KCNN3: variants seen among roughly 807,000 people sequenced by gnomAD.
KCNN3 encodes the protein small conductance calcium-activated potassium channel protein 3.
KCNN3 carries 16 observed loss-of-function variants against 62.9 expected under a neutral mutation model. The observed-to-expected ratio is 0.25, with a 90% CI of 0.17 to 0.39. The LOEUF (loss-of-function observed/expected upper bound fraction) is 0.39, where lower values mean the gene tolerates loss of function less well. Ranked by LOEUF, KCNN3 falls within the 10% of genes least tolerant of loss-of-function variation. The pLI is 1.00. For missense variants in KCNN3, 599 were observed against 949.4 expected, an observed-to-expected ratio of 0.63 and a Z score of 4.85; for synonymous variants, 370 against 389.2, an observed-to-expected ratio of 0.95 and a Z score of 0.58.
intron 2 of KCNN3, among the ~76,000 whole-genome samples, chr1:154,783,976 A>C (rs764979294): frequency 2.2e-4 from 34 of 152,300 alleles, no homozygotes; most frequent in Non-Finnish European, 4.1e-4. Flanking sequence ...GCGGTTACTA[A>C]GTACAGGATG....
chr1:154,737,221 G>T lies in KCNN3; in HGVS notation c.1449-4077C>A, dbSNP rs1256371657. 3.3e-5 allele frequency: 16 copies of T among 479,572 alleles called. No individual in the cohort carries two copies. The East Asian group carries it at 4.3e-4, about 13-fold the overall frequency. 29.7% of individuals were successfully genotyped at this position (479,572 alleles called of 1,614,324 possible). A position where few individuals can be genotyped will look rare whatever the true frequency, so the allele number is the denominator to read the frequency against. ...ATAGAAAATTTGGGGGGGGGGGATA[G>T]CTCCATGTTTTTCTTTAAAGGCTGA... On this transcript the variant is annotated intron_variant, in intron 3 of 7. Coordinates refer to ENST00000271915, the MANE Select transcript of KCNN3 (RefSeq NM_002249.6).
At chr1:154,810,867 C>A (rs892897416) in intron 2 of KCNN3, among the ~76,000 whole-genome samples, 2 of 152,264 alleles carry the variant, frequency 1.3e-5, no homozygotes, top group Non-Finnish European at 2.9e-5. Flanking sequence ...CTCTCTCCCC[C>A]AGGCAGGGCA....
At chr1:154,815,822 A>G (rs775679223) in intron 2 of KCNN3, among the ~76,000 whole-genome samples, 49 of 152,328 alleles carry the variant, frequency 3.2e-4, no homozygotes, top group Non-Finnish European at 5.4e-4. Context: ...GTGAGGGCAC[A>G]GAGCAAGACG....
rs764812946 is a variant in KCNN3, at chr1:154,713,521, G to A, written c.1842C>T (p.Val614=). ...CACTCAGCTTCCTCTGTTCCATCTTGACGCTCCTCAACCTGTGGGGAAGAA... is the reference window on the plus strand; with the variant it reads ...CACTCAGCTTCCTCTGTTCCATCTTAACGCTCCTCAACCTGTGGGGAAGAA... ...FLQAIHQLRS[V]KMEQRKLSDQ... Residue 614 remains valine (V), a synonymous_variant, in exon 7 of 8, where the codon GTC becomes GTT. Coordinates refer to ENST00000271915, the MANE Select transcript of KCNN3 (RefSeq NM_002249.6). 1 of 1,613,780 alleles carries A rather than the reference G, an allele frequency of 6.2e-7. No individual in the cohort carries two copies. The highest frequency in any genetic ancestry group is 1.7e-5 in the Admixed American group (1 of 60,010).
intron 1 of KCNN3, among the ~76,000 whole-genome samples, chr1:154,842,706 T>C (rs1257158637): frequency 1.3e-5 from 2 of 150,806 alleles, no homozygotes; most frequent in African/African-American, 4.9e-5. Flanking sequence ...GTGCTACTTC[T>C]GTGCCTGGTT....
At chr1:154,751,806 AC>A (rs1012724695) in intron 3 of KCNN3, among the ~76,000 whole-genome samples, 14 of 152,336 alleles carry the variant, frequency 9.2e-5, no homozygotes, top group African/African-American at 3.4e-4. Flanking sequence ...TTGCCAGGCA[AC>A]AAAAATGCTG....
intron 3 of KCNN3, among the ~76,000 whole-genome samples, chr1:154,759,005 G>A (rs747344905): frequency 1.2e-4 from 18 of 152,026 alleles, no homozygotes; most frequent in Non-Finnish European, 1.5e-4. Flanking sequence ...ACAGCGTTTC[G>A]CCATGTTGGC....
rs749900768 is a variant in KCNN3 at position 154,772,262 on chromosome 1, C to A, written c.1161G>T (p.Thr387=). 1.9e-6 allele frequency: 3 copies of A among 1,614,204 alleles called. No individual in the cohort carries two copies. The highest frequency in any genetic ancestry group is 1.6e-4 in the Middle Eastern group (1 of 6,062). Residue 387 remains threonine (T), a synonymous_variant, in exon 3 of 8, where the codon ACG becomes ACT. Transcript: ENST00000271915. This position sits in a 1 kb window ranked among gnomAD's most constrained non-coding sequence, Gnocchi z 5.6. ...PIPGEYKFFW[T]ARLAFSYTPS... The stretch of plus-strand genomic sequence containing the variant: ...GTGTGTAGGAGAAGGCCAGGCGTGC[C>A]GTCCAGAAGAACTTGTACTCGCCAG...
intron 1 of KCNN3, among the ~76,000 whole-genome samples, chr1:154,867,210 C>T (rs141095164): frequency 1.0e-3 from 153 of 152,318 alleles, no homozygotes; most frequent in African/African-American, 3.6e-3. Flanking sequence ...AGGCTGCCAG[C>T]CCCATATCCT....
intron 7 of KCNN3, among the ~76,000 whole-genome samples, chr1:154,709,555 G>A (rs1700031873): frequency 6.6e-6 from 1 of 152,066 alleles, no homozygotes; most frequent in Non-Finnish European, 1.5e-5. Flanking sequence ...AGAATGAAGG[G>A]GAGCAGGGGC....
chr1:154,816,267 C>A (rs1479394402), intron 2 of KCNN3, among the ~76,000 whole-genome samples: 4 of 152,130 alleles, frequency 2.6e-5, no homozygotes, highest in Non-Finnish European at 2.9e-5. Context: ...GGATTGATAT[C>A]CCCAGGCAAG....
intron 2 of KCNN3, among the ~76,000 whole-genome samples, chr1:154,792,556 T>G (rs151093203): frequency 1.3e-5 from 2 of 152,240 alleles, no homozygotes; most frequent in Non-Finnish European, 2.9e-5. Context: ...AAAAGGAATT[T>G]GCATGTTTTG....
intron 2 of KCNN3, among the ~76,000 whole-genome samples, chr1:154,810,181 T>C (rs548825052): frequency 7.3e-5 from 11 of 151,702 alleles, no homozygotes; most frequent in African/African-American, 2.7e-4. Context: ...GAGGGGAGAA[T>C]ATGGGCGGGG....
rs540195198 is a variant in KCNN3 at position 154,776,144 on chromosome 1, G to A, written c.1030-3751C>T. ...GTGCAGGGAAGGTGGGGGCCACATG[G>A]GGTAGTGGAGCTGGAGGTGGGAGAG... On this transcript the variant is annotated intron_variant, in intron 2 of 7. Coordinates refer to ENST00000271915, the MANE Select transcript of KCNN3 (RefSeq NM_002249.6). Among the ~76,000 whole-genome samples the A allele has an allele frequency of 1.9e-4, 29 of 152,308 alleles. 1 individual carries two copies. Among genetic ancestry groups the A allele is most frequent in the Non-Finnish European group, 3.4e-4 (23 of 68,020 alleles).
At position 154,707,604 on chromosome 1, in the gene KCNN3, G is replaced by A. The variant is rs372498598; in HGVS notation, c.*372C>T. The A allele has an allele frequency of 3.9e-5, 7 of 177,330 alleles. No homozygotes were observed. Among genetic ancestry groups the A allele is most frequent in the Non-Finnish European group, 7.1e-5 (6 of 84,396 alleles). The allele number at this position is 177,330 out of a possible 1,614,324, so 11.0% of individuals were successfully genotyped here. ...GCCTGACACAACCCTCCCTCCCAGC[G>A]GACCCCTCTTCTGGACTGGCTTCGC... On this transcript the variant is annotated 3_prime_UTR_variant, in exon 8 of 8. Coordinates refer to ENST00000271915, the MANE Select transcript of KCNN3 (RefSeq NM_002249.6).
At position 154,726,833 on chromosome 1, in the gene KCNN3, C is replaced by A. The variant is rs981123535; in HGVS notation, c.1591-807G>T. The stretch of plus-strand genomic sequence containing the variant: ...TCTGGAACAGCGATCCTAGTCTGCT[C>A]GGTAGGTCCGTGCCAGGGGAGCCCG... On this transcript the variant is annotated intron_variant, in intron 4 of 7. Transcript: ENST00000271915. 3.3e-5 allele frequency among the ~76,000 whole-genome samples: 5 copies of A among 152,206 alleles called. 1 individual carries two copies. The highest frequency in any genetic ancestry group is 6.8e-3 in the Middle Eastern group (2 of 294).
chr1:154,791,466 T>A (rs552497136), intron 2 of KCNN3, among the ~76,000 whole-genome samples: 8 of 152,024 alleles, frequency 5.3e-5, no homozygotes, highest in Non-Finnish European at 1.0e-4. Context: ...CTAACACTTC[T>A]AGAAGCCCTG....
intron 1 of KCNN3, among the ~76,000 whole-genome samples, chr1:154,858,097 T>G (rs1652609551): frequency 6.6e-6 from 1 of 152,160 alleles, no homozygotes; most frequent in Non-Finnish European, 1.5e-5. Context: ...GCACATAGTG[T>G]GCACCCCGTC....
chr1:154,861,329 A>T (rs1652762905), intron 1 of KCNN3, among the ~76,000 whole-genome samples: 1 of 151,800 alleles, frequency 6.6e-6, no homozygotes, highest in South Asian at 2.1e-4. Flanking sequence ...AGTGTGCAGA[A>T]CTCTGCAGCC....
Sources: gnomAD v4.1 joint callset for allele counts (sites outside exome capture counted in the v4.1 genomes callset) on GRCh38, gnomAD v4.1.1 for gene constraint, Gnocchi (gnomAD v3.1) non-coding constraint, MANE v1.5 for transcripts, NCBI Gene and HGNC (gene_info 2026-07-23, HGNC 2026-07-21) for gene names.